The following CR1L variants were observed in gnomAD, a reference collection of about 807,000 sequenced individuals.
The protein encoded by CR1L is complement component receptor 1-like protein.
In CR1L, 59 loss-of-function variants were observed where a neutral mutation model predicts 62.3. That is an observed-to-expected ratio of 0.95 (90% CI 0.77 to 1.18). The LOEUF is 1.18. Ranked by LOEUF, CR1L falls within the 50% of genes most tolerant of loss-of-function variation. The pLI is 0.00. For synonymous variants in CR1L, 279 were observed against 248.7 expected, an observed-to-expected ratio of 1.12 and a Z score of -1.15; for missense variants, 700 against 702.8, an observed-to-expected ratio of 1.00 and a Z score of 0.04.
intron 8 of CR1L, 29 bp downstream of exon 8, chr1:207,699,303 A>T (rs763593797): frequency 3.2e-5 from 52 of 1,612,548 alleles, no homozygotes; most frequent in Middle Eastern, 1.6e-4. Context: ...ATTTCAGGCC[A>T]ATCTCTCCCC....
chr1:207,647,323 A>C (rs934871411), intron 1 of CR1L, among the ~76,000 whole-genome samples: 4 of 152,148 alleles, frequency 2.6e-5, no homozygotes, highest in Non-Finnish European at 1.5e-5. Context: ...TCAGTCCTGG[A>C]ACGTTCTCCC....
chr1:207,673,163 A>G (rs1663639300), intron 1 of CR1L, among the ~76,000 whole-genome samples: 1 of 152,214 alleles, frequency 6.6e-6, no homozygotes, highest in Non-Finnish European at 1.5e-5. Context: ...ACAGCTTTAC[A>G]TTCACTATTG....
chr1:207,646,385 T>C (rs1663125581), intron 1 of CR1L, among the ~76,000 whole-genome samples: 1 of 152,124 alleles, frequency 6.6e-6, no homozygotes, highest in South Asian at 2.1e-4. Context: ...CCCACTGTTT[T>C]GTATTTCATT....
At chr1:207,662,052 G>A (rs1399504657) in intron 1 of CR1L, among the ~76,000 whole-genome samples, 2 of 152,182 alleles carry the variant, frequency 1.3e-5, no homozygotes, top group Admixed American at 6.5e-5. Flanking sequence ...TGGGTAACCC[G>A]ACCTTTCTCT....
chr1:207,652,634 A>G (rs1184163429), intron 1 of CR1L: 1 of 1,306,390 alleles, frequency 7.7e-7, no homozygotes, highest in Non-Finnish European at 1.1e-6. Flanking sequence ...CAAGTAGATT[A>G]TAAGTGTAAA....
intron 1 of CR1L, among the ~76,000 whole-genome samples, chr1:207,658,213 T>G (rs1295102323): frequency 7.3e-5 from 11 of 151,526 alleles, no homozygotes; most frequent in Non-Finnish European, 4.4e-5. Flanking sequence ...ATTTTCCACC[T>G]TAAGAAACTA....
chr1:207,669,123 G>A (rs1663567970), intron 1 of CR1L: 1 of 261,392 alleles, frequency 3.8e-6, no homozygotes, highest in Admixed American at 5.1e-5. Context: ...ATCATCCACC[G>A]CCTTTGTCTG....
chr1:207,714,938 A>G (rs1167085968), intron 10 of CR1L, among the ~76,000 whole-genome samples: 1 of 152,192 alleles, frequency 6.6e-6, no homozygotes, highest in Non-Finnish European at 1.5e-5. Context: ...AATAAGTGGG[A>G]TGTCAGAGAG....
chr1:207,697,835 C>T lies in CR1L; in HGVS notation c.1104C>T (p.Leu368=), dbSNP rs1664130192. ...GCCATGTGCTATTTCCACTTAATCT[C>T]CAGCTTGGAGCAAAAGTGGATTTTG... is the stretch of plus-strand genomic sequence containing the variant. ...PNGHVLFPLN[L]QLGAKVDFVC... Residue 368 remains leucine, a synonymous_variant, in exon 7 of 12, where the codon CTC becomes CTT. Coordinates refer to ENST00000508064, the MANE Select transcript of CR1L (RefSeq NM_175710.2). The T allele has an allele frequency of 1.9e-6, 3 of 1,613,948 alleles. No homozygotes were observed. The highest frequency in any genetic ancestry group is 2.5e-6 in the Non-Finnish European group (3 of 1,179,894).
chr1:207,664,194 T>A (rs370873221), intron 1 of CR1L, among the ~76,000 whole-genome samples: 1 of 152,222 alleles, frequency 6.6e-6, no homozygotes, highest in Admixed American at 6.5e-5. Context: ...TGGTTTCACT[T>A]TCCTTGCAGC....
At chr1:207,678,142 TA>T (rs3215758) in intron 2 of CR1L, 55 bp from the exon 3 acceptor site, 486 of 1,476,276 alleles carry the variant, frequency 3.3e-4, no homozygotes, top group Non-Finnish European at 4.1e-4. Context: ...CCTTATGTAC[TA>T]AAAAAAAATT....
intron 9 of CR1L, among the ~76,000 whole-genome samples, chr1:207,707,104 C>T (rs1343614953): frequency 6.6e-6 from 1 of 151,966 alleles, no homozygotes; most frequent in Non-Finnish European, 1.5e-5. Flanking sequence ...AATTAAATTC[C>T]TAATTGGAAA....
chr1:207,723,127 G>C (rs376702778), intron 11 of CR1L, among the ~76,000 whole-genome samples: 2 of 152,060 alleles, frequency 1.3e-5, no homozygotes, highest in African/African-American at 2.4e-5. Flanking sequence ...TTACTTTTAC[G>C]AGAAAAATAT....
chr1:207,673,809 C>A (rs971812964), intron 1 of CR1L, among the ~76,000 whole-genome samples: 1 of 152,172 alleles, frequency 6.6e-6, no homozygotes, highest in Non-Finnish European at 1.5e-5. Context: ...GCATTTTACT[C>A]TTAGGTTTTT....
At chr1:207,694,879 T>C (rs2102468858) in intron 5 of CR1L, 128 bp downstream of exon 5, 3 of 1,510,818 alleles carry the variant, frequency 2.0e-6, no homozygotes, top group East Asian at 2.3e-5. Context: ...TTCTAGGTAG[T>C]GAACATGAAA....
intron 10 of CR1L, among the ~76,000 whole-genome samples, chr1:207,708,524 G>T (rs771701755): frequency 2.6e-5 from 4 of 152,180 alleles, no homozygotes; most frequent in Admixed American, 2.0e-4. Flanking sequence ...ATCCTCTGTT[G>T]GGTGAACACC....
chr1:207,645,974 C>T (rs558088930), intron 1 of CR1L, among the ~76,000 whole-genome samples: 65 of 150,516 alleles, frequency 4.3e-4, no homozygotes, highest in African/African-American at 1.6e-3. Flanking sequence ...GACTCTGCGG[C>T]TAGGGAGGGC....
chr1:207,703,325 G>C (rs1160661581), intron 9 of CR1L, among the ~76,000 whole-genome samples: 1 of 152,176 alleles, frequency 6.6e-6, no homozygotes, highest in East Asian at 1.9e-4. Context: ...GTGAGTTTGA[G>C]TTGAAGCCAA....
intron 1 of CR1L, among the ~76,000 whole-genome samples, chr1:207,647,720 T>C (rs1267919273): frequency 6.6e-6 from 1 of 152,178 alleles, no homozygotes; most frequent in Non-Finnish European, 1.5e-5. Flanking sequence ...ATGGTCTTTC[T>C]GTTGTACCTA....
Sources: allele counts gnomAD v4.1 joint callset (sites outside exome capture counted in the v4.1 genomes callset), GRCh38; gene constraint gnomAD v4.1.1; transcripts MANE v1.5; gene names NCBI Gene and HGNC (gene_info 2026-07-23, HGNC 2026-07-21).